CEP112: variants seen among roughly 807,000 people sequenced by gnomAD.
CEP112 encodes centrosomal protein 112.
CEP112 carries 127 observed loss-of-function variants against 153.0 expected under a neutral mutation model. That is an observed-to-expected ratio of 0.83 (90% CI 0.72 to 0.96). CEP112 has a LOEUF of 0.96. Among genes scored for constraint, CEP112 ranks in the 40% least tolerant of loss-of-function variants. The pLI is 0.00. For missense variants in CEP112, 1,089 were observed against 1,101.2 expected (o/e 0.99, Z 0.16); for synonymous variants, 358 against 374.4 (o/e 0.96, Z 0.51).
chr17:65,738,701 T>C (rs951383118), intron 23 of CEP112, among the ~76,000 whole-genome samples: 1 of 152,206 alleles, frequency 6.6e-6, no homozygotes, highest in Admixed American at 6.5e-5. Context: ...AACAAGAGAA[T>C]AGATTTTCTT....
Position 65,826,336 on chromosome 17 carries a change from T to C in CEP112, c.2394+25468A>G, listed in dbSNP as rs78053636. 132 of 1,613,392 alleles carry C rather than the reference T, an allele frequency of 8.2e-5. No homozygotes were observed. In the East Asian group the frequency reaches 2.5e-3, roughly 31 times the overall value. On this transcript the variant is annotated intron_variant, in intron 21 of 26. Coordinates refer to ENST00000535342, the MANE Select transcript of CEP112 (RefSeq NM_001199165.4). ...CCCATTAAGATCTCAGAAGCAGTGATGAGAGCCCTCAGTGCAGGCTGTAGG... is the reference window on the plus strand; with the variant it reads ...CCCATTAAGATCTCAGAAGCAGTGACGAGAGCCCTCAGTGCAGGCTGTAGG...
chr17:65,681,395 A>G (rs1161866255), intron 24 of CEP112, among the ~76,000 whole-genome samples: 1 of 151,760 alleles, frequency 6.6e-6, no homozygotes. Context: ...TTCTTTGTCA[A>G]TATTATCCAC....
At chr17:65,636,876 T>C (rs1252204379) in intron 26 of CEP112, 2 of 431,810 alleles carry the variant, frequency 4.6e-6, no homozygotes, top group Non-Finnish European at 8.2e-6. Context: ...CCTCCCAAAG[T>C]GCTGGGATTA....
At chr17:66,103,018 G>C (rs2068630368) in intron 6 of CEP112, among the ~76,000 whole-genome samples, 1 of 151,878 alleles carries the variant, frequency 6.6e-6, no homozygotes, top group Non-Finnish European at 1.5e-5. Flanking sequence ...GAGGTCAGCA[G>C]TTCGAGACCA....
At chr17:65,866,220 T>G (rs2058480790) in intron 20 of CEP112, among the ~76,000 whole-genome samples, 1 of 152,142 alleles carries the variant, frequency 6.6e-6, no homozygotes, top group African/African-American at 2.4e-5. Context: ...ACTCCAATCC[T>G]GGAGCAAGGT....
intron 8 of CEP112, among the ~76,000 whole-genome samples, chr17:66,078,536 G>A (rs141672294): frequency 4.6e-5 from 7 of 152,194 alleles, no homozygotes; most frequent in South Asian, 2.1e-4. Flanking sequence ...GATTACAGGC[G>A]TGAGCCACTG....
At chr17:66,123,645 AC>A (rs1168280999) in intron 6 of CEP112, among the ~76,000 whole-genome samples, 1 of 152,058 alleles carries the variant, frequency 6.6e-6, no homozygotes, top group African/African-American at 2.4e-5. Flanking sequence ...AGAAATAGAA[AC>A]CCCCTCTTCT....
intron 12 of CEP112, among the ~76,000 whole-genome samples, chr17:66,047,171 C>T (rs1490348741): frequency 6.6e-6 from 1 of 152,120 alleles, no homozygotes; most frequent in Non-Finnish European, 1.5e-5. Context: ...GGCTGGAGTG[C>T]AGTGGCATGA....
At chr17:65,775,420 T>G (rs771560009) in intron 21 of CEP112, among the ~76,000 whole-genome samples, 4 of 152,156 alleles carry the variant, frequency 2.6e-5, no homozygotes, top group Admixed American at 6.5e-5. Context: ...TTTATCACGG[T>G]TTTCCCCACT....
intron 4 of CEP112, among the ~76,000 whole-genome samples, chr17:66,168,699 C>T (rs899418359): frequency 4.6e-5 from 7 of 152,086 alleles, no homozygotes; most frequent in Non-Finnish European, 7.3e-5. Context: ...GATAATTTGG[C>T]ATCTTGAAAT....
chr17:66,079,885 C>T (rs1424675419), intron 8 of CEP112, among the ~76,000 whole-genome samples: 1 of 151,922 alleles, frequency 6.6e-6, no homozygotes, highest in East Asian at 1.9e-4. Flanking sequence ...CTTTGACAAA[C>T]CCGAAAAAAA....
chr17:65,966,713 C>A (rs905587914), intron 17 of CEP112, among the ~76,000 whole-genome samples: 13 of 152,236 alleles, frequency 8.5e-5, no homozygotes, highest in Non-Finnish European at 7.3e-5. Context: ...ATAAGCATGA[C>A]AGATGAATAA....
intron 24 of CEP112, among the ~76,000 whole-genome samples, chr17:65,672,090 G>T (rs2047015001): frequency 6.6e-6 from 1 of 152,150 alleles, no homozygotes; most frequent in African/African-American, 2.4e-5. Flanking sequence ...GTTGGTAAGA[G>T]CTCTGGTGAG....
At chr17:65,833,457 C>G (rs1307804442) in intron 21 of CEP112, among the ~76,000 whole-genome samples, 1 of 152,122 alleles carries the variant, frequency 6.6e-6, no homozygotes, top group African/African-American at 2.4e-5. Context: ...GAAAACCCCA[C>G]AGTTTTGGCC....
chr17:65,942,633 G>A (rs534601539), intron 18 of CEP112, among the ~76,000 whole-genome samples: 5 of 152,278 alleles, frequency 3.3e-5, no homozygotes, highest in East Asian at 1.9e-4. Context: ...AGTTCCTGCC[G>A]ATAGCAAATT....
chr17:65,996,026 G>A (rs1460267506), intron 17 of CEP112, among the ~76,000 whole-genome samples: 2 of 152,016 alleles, frequency 1.3e-5, no homozygotes, highest in Admixed American at 1.3e-4. Flanking sequence ...CCAGTCTTGG[G>A]TATGTCTTTA....
At chr17:65,818,566 G>T (rs1412322953) in intron 21 of CEP112, among the ~76,000 whole-genome samples, 2 of 151,764 alleles carry the variant, frequency 1.3e-5, no homozygotes, top group African/African-American at 2.4e-5. Flanking sequence ...TTCTTGGCAA[G>T]TCTCAATTTT....
intron 20 of CEP112, among the ~76,000 whole-genome samples, chr17:65,875,643 T>A (rs918412786): frequency 6.6e-6 from 1 of 152,204 alleles, no homozygotes; most frequent in Admixed American, 6.5e-5. Flanking sequence ...TAACTTTCAA[T>A]AGAATAACTA....
At chr17:66,038,337 C>T (rs1308664747) in intron 12 of CEP112, among the ~76,000 whole-genome samples, 3 of 152,140 alleles carry the variant, frequency 2.0e-5, no homozygotes, top group Middle Eastern at 3.4e-3. Flanking sequence ...AACTATGTGA[C>T]GTCACTTATT....
Sources: allele counts gnomAD v4.1 joint callset (sites outside exome capture counted in the v4.1 genomes callset), GRCh38; gene constraint gnomAD v4.1.1; transcripts MANE v1.5; gene names NCBI Gene and HGNC (gene_info 2026-07-23, HGNC 2026-07-21).